The following HDAC4 variants were observed in gnomAD, a reference collection of about 807,000 sequenced individuals.
HDAC4 encodes histone deacetylase A.
HDAC4 carries 16 observed loss-of-function variants against 135.1 expected under a neutral mutation model. The ratio of observed to expected loss-of-function variants is 0.12; its 90% CI spans 0.08 to 0.18. HDAC4 has a LOEUF of 0.18. Ranked by LOEUF, HDAC4 falls within the 10% of genes least tolerant of loss-of-function variation. The pLI is 1.00. For synonymous variants in HDAC4, 685 were observed against 653.4 expected, an observed-to-expected ratio of 1.05 and a Z score of -0.74; for missense variants, 1,143 against 1,511.8, an observed-to-expected ratio of 0.76 and a Z score of 4.05.
intron 21 of HDAC4, 114 bp downstream of exon 21, chr2:239,081,988 C>A: frequency 8.9e-7 from 1 of 1,121,428 alleles, no homozygotes; most frequent in Non-Finnish European, 1.3e-6. Flanking sequence ...CTTAAGTGAG[C>A]ACGAAGGCCG....
At chr2:239,394,724 G>A (rs1399573400) in intron 1 of HDAC4, among the ~76,000 whole-genome samples, 1 of 152,270 alleles carries the variant, frequency 6.6e-6, no homozygotes, top group Non-Finnish European at 1.5e-5. Flanking sequence ...GGCCAGGCCA[G>A]AGGTGGGGCC....
At chr2:239,277,171 G>A (rs2050419010) in intron 2 of HDAC4, among the ~76,000 whole-genome samples, 1 of 152,258 alleles carries the variant, frequency 6.6e-6, no homozygotes, top group Non-Finnish European at 1.5e-5. Flanking sequence ...CCCGAGGTTA[G>A]CAGAAGGATC....
At chr2:239,197,847 T>TTTTGTGTGTGTGTGTGTG (rs1553553322) in intron 3 of HDAC4, among the ~76,000 whole-genome samples, 2 of 140,126 alleles carry the variant, frequency 1.4e-5, no homozygotes, top group African/African-American at 5.4e-5. Context: ...CACTAAAAGT[T>TTTTGTGTGTGTGTGTGTG]TGTGTGTGTG....
At chr2:239,162,278 T>A (rs1346457746) in intron 6 of HDAC4, 1 of 456,662 alleles carries the variant, frequency 2.2e-6, no homozygotes, top group East Asian at 7.0e-5. Flanking sequence ...AAGGCGGCCC[T>A]GCCCTGGTCC....
intron 2 of HDAC4, among the ~76,000 whole-genome samples, chr2:239,350,912 ATTATGTGT>A (rs1458958644): frequency 6.6e-6 from 1 of 152,254 alleles, no homozygotes; most frequent in Admixed American, 6.5e-5. Context: ...ACAAATTATG[ATTATGTGT>A]ACACCAAGTC....
intron 2 of HDAC4, among the ~76,000 whole-genome samples, chr2:239,316,538 G>A (rs2053120297): frequency 6.6e-6 from 1 of 152,230 alleles, no homozygotes; most frequent in Admixed American, 6.5e-5. Context: ...AGCCCACGAG[G>A]TGGAGGCTGT....
At chr2:239,366,460 G>A (rs1409431888) in intron 1 of HDAC4, among the ~76,000 whole-genome samples, 1 of 152,256 alleles carries the variant, frequency 6.6e-6, no homozygotes, top group African/African-American at 2.4e-5. Context: ...AGATGCCTAG[G>A]TGTGTTTATT....
intron 2 of HDAC4, among the ~76,000 whole-genome samples, chr2:239,281,826 TACACACCACTCTACAATGA>T (rs1480579117): frequency 1.5e-5 from 2 of 136,808 alleles, no homozygotes; most frequent in African/African-American, 5.6e-5. Flanking sequence ...ACTCTCAATG[TACACACCACTCTACAATGA>T]ACACACCACT....
rs990002656 is a variant in HDAC4 at position 239,186,193 on chromosome 2, G to A, written c.339+3640C>T. On this transcript the variant is annotated intron_variant, in intron 4 of 26. Transcript: ENST00000543185. ...AAACCGGAAAGTCCAAGGGGACCAC[G>A]AGCATTAAAATTCTCCTAAAAGATC... Among the ~76,000 whole-genome samples the A allele has an allele frequency of 3.3e-5, 5 of 152,000 alleles. No homozygotes were observed. In the East Asian group the frequency reaches 7.7e-4, roughly 23 times the overall value.
At chr2:239,392,549 C>A (rs1696298223) in intron 1 of HDAC4, among the ~76,000 whole-genome samples, 1 of 152,204 alleles carries the variant, frequency 6.6e-6, no homozygotes, top group Admixed American at 6.5e-5. Flanking sequence ...AGCAAGGAGG[C>A]ACAGTTGGCA....
chr2:239,254,668 T>A (rs565219089), intron 2 of HDAC4, among the ~76,000 whole-genome samples: 14 of 152,200 alleles, frequency 9.2e-5, no homozygotes, highest in Non-Finnish European at 1.9e-4. Context: ...AATAAGATGG[T>A]CCAACATAGA....
intron 22 of HDAC4, 116 bp downstream of exon 22, chr2:239,080,979 C>T: frequency 1.3e-6 from 1 of 757,642 alleles, no homozygotes; most frequent in South Asian, 1.6e-5. Context: ...GACCCCACAG[C>T]CCCGTTCAGC....
At chr2:239,317,415 C>T (rs962376095) in intron 2 of HDAC4, among the ~76,000 whole-genome samples, 11 of 151,802 alleles carry the variant, frequency 7.2e-5, no homozygotes, top group African/African-American at 1.2e-4. Context: ...GGAACCAGGC[C>T]GCCTTGAGAA....
intron 1 of HDAC4, among the ~76,000 whole-genome samples, chr2:239,354,601 T>C (rs1299432043): frequency 7.1e-6 from 1 of 141,502 alleles, no homozygotes; most frequent in Non-Finnish European, 1.5e-5. Context: ...GCCAATTGCT[T>C]ATAACCAAAG....
In HDAC4 at chr2:239,101,170, C is replaced by T. The variant is rs575706965; in HGVS notation, c.2233+1606G>A. Among the ~76,000 whole-genome samples the T allele has an allele frequency of 4.6e-5, 7 of 152,318 alleles. No homozygotes were observed. In the South Asian group the frequency reaches 8.3e-4, roughly 18 times the overall value. On this transcript the variant is annotated intron_variant, in intron 16 of 26. Transcript: ENST00000543185. ...CCTACTGCTGTTCACTCCCTTCTCA[C>T]TTTCCCCAAACTTGAGGCTTCTGTC...
chr2:239,134,697 A>C (rs2152883595), intron 9 of HDAC4, 54 bp from the exon 10 acceptor site: 1 of 1,303,398 alleles, frequency 7.7e-7, no homozygotes, highest in Non-Finnish European at 1.1e-6. Flanking sequence ...AAACATCAGC[A>C]ATATACACCA....
intron 3 of HDAC4, among the ~76,000 whole-genome samples, chr2:239,196,800 A>G (rs1183729203): frequency 6.6e-6 from 1 of 152,138 alleles, no homozygotes; most frequent in Non-Finnish European, 1.5e-5. Flanking sequence ...GACCTCGGGG[A>G]ATCGAGGCAG....
chr2:239,161,153 A>G (rs1258002355), intron 6 of HDAC4, among the ~76,000 whole-genome samples: 2 of 152,012 alleles, frequency 1.3e-5, no homozygotes, highest in Non-Finnish European at 2.9e-5. Context: ...TCTTTTTACT[A>G]TTGAGTTATA....
At chr2:239,211,347 C>G (rs2046346006) in intron 3 of HDAC4, among the ~76,000 whole-genome samples, 1 of 152,184 alleles carries the variant, frequency 6.6e-6, no homozygotes, top group African/African-American at 2.4e-5. Flanking sequence ...GGGCTCTGCC[C>G]TTCCTGAGAG....
Sources: allele counts gnomAD v4.1 joint callset (sites outside exome capture counted in the v4.1 genomes callset), GRCh38; gene constraint gnomAD v4.1.1; transcripts MANE v1.5; gene names NCBI Gene and HGNC (gene_info 2026-07-23, HGNC 2026-07-21).